The following GRID2 variants were observed in gnomAD, a reference collection of about 807,000 sequenced individuals.
The protein encoded by GRID2 is glutamate ionotropic receptor delta type subunit 2.
In GRID2, 33 loss-of-function variants were observed where a neutral mutation model predicts 114.8. The ratio of observed to expected loss-of-function variants is 0.29; its 90% CI spans 0.22 to 0.38. The LOEUF is 0.38. Among genes scored for constraint, GRID2 ranks in the 10% least tolerant of loss-of-function variants. The probability of loss-of-function intolerance (pLI) is 1.00; values close to 1 mark genes in which losing one functional copy is unlikely to be tolerated. For synonymous variants in GRID2, 505 were observed against 449.9 expected (o/e 1.12, Z -1.55); for missense variants, 1,184 against 1,257.7 (o/e 0.94, Z 0.89).
chr4:93,415,590 C>T (rs912427090), intron 9 of GRID2, among the ~76,000 whole-genome samples: 1 of 151,954 alleles, frequency 6.6e-6, no homozygotes, highest in Non-Finnish European at 1.5e-5. Flanking sequence ...TTGTAATTGC[C>T]TAATGTGTTT....
At chr4:92,569,299 A>C (rs1033197651) in intron 1 of GRID2, among the ~76,000 whole-genome samples, 2 of 152,054 alleles carry the variant, frequency 1.3e-5, no homozygotes, top group Non-Finnish European at 2.9e-5. Flanking sequence ...AAATAACATG[A>C]TCTCATTCAT....
At chr4:93,126,785 G>T (rs574364781) in intron 4 of GRID2, among the ~76,000 whole-genome samples, 5 of 151,162 alleles carry the variant, frequency 3.3e-5, no homozygotes, top group African/African-American at 7.3e-5. Context: ...TTTTAGTAGA[G>T]ACGGGGTTTC....
At chr4:92,860,012 T>A (rs1487927454) in intron 2 of GRID2, among the ~76,000 whole-genome samples, 1 of 152,182 alleles carries the variant, frequency 6.6e-6, no homozygotes, top group Non-Finnish European at 1.5e-5. Context: ...TGAGAACCAC[T>A]GACAAGAAGA....
chr4:92,612,671 A>G (rs1460793482), intron 2 of GRID2, among the ~76,000 whole-genome samples: 1 of 151,464 alleles, frequency 6.6e-6, no homozygotes. Flanking sequence ...TTGCTCTTCT[A>G]TTAGGTTATC....
intron 8 of GRID2, among the ~76,000 whole-genome samples, chr4:93,352,377 C>T (rs62307824): frequency 6.6e-6 from 1 of 151,914 alleles, no homozygotes; most frequent in African/African-American, 2.4e-5. Flanking sequence ...AATCTTGTTG[C>T]CCTGCAATCA....
At chr4:92,399,826 T>G (rs1021251739) in intron 1 of GRID2, among the ~76,000 whole-genome samples, 3 of 152,098 alleles carry the variant, frequency 2.0e-5, no homozygotes, top group Non-Finnish European at 4.4e-5. Flanking sequence ...TTTACAGAAG[T>G]GGAAACAAAC....
intron 2 of GRID2, among the ~76,000 whole-genome samples, chr4:92,658,540 A>G (rs992669758): frequency 2.6e-5 from 4 of 151,700 alleles, no homozygotes; most frequent in African/African-American, 9.7e-5. Context: ...ACATTAATTA[A>G]TGCTTACAAT....
chr4:92,418,562 T>C (rs530583601), intron 1 of GRID2, among the ~76,000 whole-genome samples: 14 of 152,056 alleles, frequency 9.2e-5, no homozygotes, highest in African/African-American at 3.4e-4. Flanking sequence ...ACAGAAAGAA[T>C]TGGAGGCAGA....
chr4:92,450,352 A>G (rs550128262), intron 1 of GRID2, among the ~76,000 whole-genome samples: 2 of 152,204 alleles, frequency 1.3e-5, no homozygotes, highest in South Asian at 2.1e-4. Context: ...AGTCTTGCTT[A>G]GGGGTTGAAA....
rs75571395 is a variant in GRID2 at position 92,724,452 on chromosome 4, T to G, written c.244+134166T>G. 5.2e-3 allele frequency among the ~76,000 whole-genome samples: 797 copies of G among 152,228 alleles called. 3 individuals are homozygous for G. Among genetic ancestry groups the G allele is most frequent in the African/African-American group, 0.018 (762 of 41,546 alleles). On this transcript the variant is annotated intron_variant, in intron 2 of 15. Coordinates refer to ENST00000282020, the MANE Select transcript of GRID2 (RefSeq NM_001510.4). ...GGACTGAGTAACATTTTAAAACTAT[T>G]TTTAAAAAAAGTTGCACTTGGAGTC...
intron 14 of GRID2, among the ~76,000 whole-genome samples, chr4:93,680,286 A>G (rs1201390473): frequency 1.3e-5 from 2 of 152,126 alleles, no homozygotes; most frequent in Non-Finnish European, 1.5e-5. Context: ...GCAATAATCA[A>G]TAGCTTACCA....
intron 13 of GRID2, among the ~76,000 whole-genome samples, chr4:93,606,925 C>A (rs900230486): frequency 1.8e-4 from 27 of 152,042 alleles, no homozygotes; most frequent in Admixed American, 2.6e-4. Context: ...ATTCAGTATT[C>A]TTTACTGTAT....
At chr4:93,381,461 T>C (rs1484727928) in intron 8 of GRID2, among the ~76,000 whole-genome samples, 1 of 152,170 alleles carries the variant, frequency 6.6e-6, no homozygotes, top group South Asian at 2.1e-4. Flanking sequence ...ACTTGTTTTC[T>C]ATATGGCTTA....
intron 14 of GRID2, among the ~76,000 whole-genome samples, chr4:93,726,706 T>C (rs1489516081): frequency 6.6e-6 from 1 of 152,154 alleles, no homozygotes; most frequent in Non-Finnish European, 1.5e-5. Flanking sequence ...TTCACATCTC[T>C]TGTAAGTTGA....
At chr4:92,771,407 A>G (rs978303035) in intron 2 of GRID2, among the ~76,000 whole-genome samples, 1 of 152,184 alleles carries the variant, frequency 6.6e-6, no homozygotes, top group Non-Finnish European at 1.5e-5. Flanking sequence ...GTTCATTTAA[A>G]ATAGTAATCT....
intron 13 of GRID2, among the ~76,000 whole-genome samples, chr4:93,560,191 A>G (rs1458656252): frequency 7.5e-6 from 1 of 132,694 alleles, no homozygotes; most frequent in Non-Finnish European, 1.6e-5. Context: ...ACAAACCTGC[A>G]TGTTCTACGC....
At chr4:92,921,773 C>A (rs1293913231) in intron 2 of GRID2, among the ~76,000 whole-genome samples, 1 of 152,170 alleles carries the variant, frequency 6.6e-6, no homozygotes, top group African/African-American at 2.4e-5. Flanking sequence ...GAATGCCACC[C>A]AGTTAGGCTA....
intron 13 of GRID2, among the ~76,000 whole-genome samples, chr4:93,598,836 G>T (rs1218420408): frequency 6.6e-6 from 1 of 152,122 alleles, no homozygotes; most frequent in Non-Finnish European, 1.5e-5. Context: ...ATATCTGTGT[G>T]CAGAGAAGAG....
intron 1 of GRID2, among the ~76,000 whole-genome samples, chr4:92,552,571 T>C (rs1305137845): frequency 2.0e-5 from 3 of 152,094 alleles, no homozygotes; most frequent in Non-Finnish European, 4.4e-5. Context: ...TGGAAACTAA[T>C]GGAGAATATA....
Sources: gnomAD v4.1 joint callset for allele counts (sites outside exome capture counted in the v4.1 genomes callset) on GRCh38, gnomAD v4.1.1 for gene constraint, MANE v1.5 for transcripts, NCBI Gene and HGNC (gene_info 2026-07-23, HGNC 2026-07-21) for gene names.